Variants in B3GALT1 observed in about 807,000 individuals in gnomAD.
The protein encoded by B3GALT1 is beta-1,3-galactosyltransferase 1.
A neutral mutation model predicts 23.2 loss-of-function variants in B3GALT1; 10 were observed. The ratio of observed to expected loss-of-function variants is 0.43; its 90% CI spans 0.27 to 0.73. B3GALT1 has a LOEUF of 0.73. Ranked by LOEUF, B3GALT1 falls within the 30% of genes least tolerant of loss-of-function variation. The pLI, the probability that B3GALT1 is intolerant of heterozygous loss-of-function variation, is 0.21. For synonymous variants in B3GALT1, 156 were observed against 141.5 expected (o/e 1.10, Z -0.73); for missense variants, 299 against 405.4 (o/e 0.74, Z 2.25).
chr2:167,823,685 T>C (rs1248471390), intron 4 of B3GALT1, among the ~76,000 whole-genome samples: 1 of 152,256 alleles, frequency 6.6e-6, no homozygotes, highest in Non-Finnish European at 1.5e-5. Context: ...CTAACAGTGC[T>C]GATCCATGAA....
intron 1 of B3GALT1, among the ~76,000 whole-genome samples, chr2:167,359,449 T>G (rs1697465659): frequency 6.6e-6 from 1 of 152,224 alleles, no homozygotes; most frequent in African/African-American, 2.4e-5. Flanking sequence ...CAATTACAGT[T>G]TATAAATGTC....
chr2:167,297,168 G>C (rs907492149), intron 1 of B3GALT1, among the ~76,000 whole-genome samples: 5 of 151,948 alleles, frequency 3.3e-5, no homozygotes, highest in African/African-American at 1.2e-4. Context: ...ATTTTCAGAG[G>C]AACTAGAGGA....
At chr2:167,301,050 C>T (rs566970843) in intron 1 of B3GALT1, among the ~76,000 whole-genome samples, 5 of 152,214 alleles carry the variant, frequency 3.3e-5, no homozygotes, top group Admixed American at 6.5e-5. Flanking sequence ...TTATTCTGAG[C>T]GCATTGAATA....
At chr2:167,529,000 T>C (rs1382066050) in intron 2 of B3GALT1, among the ~76,000 whole-genome samples, 2 of 152,150 alleles carry the variant, frequency 1.3e-5, no homozygotes, top group African/African-American at 4.8e-5. Flanking sequence ...GTTTCAATAG[T>C]ATTTTCCTTC....
intron 3 of B3GALT1, among the ~76,000 whole-genome samples, chr2:167,665,706 C>A (rs558056076): frequency 6.6e-6 from 1 of 152,054 alleles, no homozygotes; most frequent in Non-Finnish European, 1.5e-5. Context: ...GTGTATGTGT[C>A]GAGGAATTTA....
At chr2:167,721,292 T>C (rs1241720659) in intron 3 of B3GALT1, among the ~76,000 whole-genome samples, 1 of 152,240 alleles carries the variant, frequency 6.6e-6, no homozygotes, top group African/African-American at 2.4e-5. Context: ...TTAGCAGGTT[T>C]ATATGCAGTT....
At position 167,475,716 on chromosome 2, in the gene B3GALT1, G is replaced by A. The variant is rs371852264; in HGVS notation, c.-510-14461G>A. 7.9e-5 allele frequency among the ~76,000 whole-genome samples: 12 copies of A among 152,082 alleles called. No individual in the cohort carries two copies. In the East Asian group the frequency reaches 2.1e-3, roughly 27 times the overall value. ...TGGAATGTATTCCCCACAGATAAGG[G>A]GGTACTACCATACCACATACTGGCG... On this transcript the variant is annotated intron_variant, in intron 1 of 4. Transcript: ENST00000392690.
chr2:167,490,079 A>G (rs533372036), intron 1 of B3GALT1, 98 bp from the exon 2 acceptor site: 1 of 152,350 alleles, frequency 6.6e-6, no homozygotes, highest in South Asian at 2.1e-4. Flanking sequence ...TGGAAATTTT[A>G]TGAACTGGTA....
intron 2 of B3GALT1, among the ~76,000 whole-genome samples, chr2:167,500,174 GA>G (rs1306515551): frequency 6.6e-6 from 1 of 152,110 alleles, no homozygotes; most frequent in East Asian, 1.9e-4. Flanking sequence ...GGACTCTCAG[GA>G]TAGAAGATGC....
chr2:167,446,311 T>C (rs1698990914), intron 1 of B3GALT1, among the ~76,000 whole-genome samples: 2 of 152,214 alleles, frequency 1.3e-5, no homozygotes, highest in African/African-American at 4.8e-5. Context: ...TTCCTTCACT[T>C]CAACTTTGGT....
At chr2:167,597,428 G>C (rs565488488) in intron 2 of B3GALT1, among the ~76,000 whole-genome samples, 1 of 152,246 alleles carries the variant, frequency 6.6e-6, no homozygotes, top group South Asian at 2.1e-4. Context: ...TGTCATGTTT[G>C]AATGGGCCAT....
intron 3 of B3GALT1, among the ~76,000 whole-genome samples, chr2:167,737,468 G>A (rs373999046): frequency 6.6e-6 from 1 of 152,192 alleles, no homozygotes; most frequent in East Asian, 1.9e-4. Context: ...ATTGTTTTCA[G>A]TTCTGGATCT....
intron 4 of B3GALT1, among the ~76,000 whole-genome samples, chr2:167,821,118 C>T (rs1309044797): frequency 1.3e-5 from 2 of 152,136 alleles, no homozygotes; most frequent in Non-Finnish European, 2.9e-5. Context: ...GTGTATAGGC[C>T]ATTCATAGCT....
chr2:167,563,906 C>CG (rs1684084934), intron 2 of B3GALT1, among the ~76,000 whole-genome samples: 1 of 68,450 alleles, frequency 1.5e-5, no homozygotes, highest in Non-Finnish European at 2.8e-5. Flanking sequence ...CGGGCGGGGC[C>CG]GATCCCCCCA....
intron 2 of B3GALT1, among the ~76,000 whole-genome samples, chr2:167,616,560 G>A (rs961733695): frequency 1.3e-5 from 2 of 151,936 alleles, no homozygotes; most frequent in African/African-American, 2.4e-5. Context: ...AAATTAGCTG[G>A]GTGTGGTGGT....
intron 2 of B3GALT1, among the ~76,000 whole-genome samples, chr2:167,565,583 G>A (rs1242735968): frequency 2.6e-5 from 4 of 152,056 alleles, no homozygotes; most frequent in Non-Finnish European, 4.4e-5. Flanking sequence ...CTACAAAATG[G>A]GAGACAATTT....
chr2:167,779,077 A>G (rs1688207422), intron 3 of B3GALT1, among the ~76,000 whole-genome samples: 1 of 152,264 alleles, frequency 6.6e-6, no homozygotes, highest in Non-Finnish European at 1.5e-5. Context: ...GACGCACTCT[A>G]CTGGAAAGCC....
At chr2:167,361,603 GA>G (rs1319279762) in intron 1 of B3GALT1, among the ~76,000 whole-genome samples, 2 of 152,048 alleles carry the variant, frequency 1.3e-5, no homozygotes, top group African/African-American at 4.8e-5. Flanking sequence ...AGGACAAATA[GA>G]AAAAAATTCT....
chr2:167,437,112 G>A (rs1437150017), intron 1 of B3GALT1, among the ~76,000 whole-genome samples: 1 of 152,138 alleles, frequency 6.6e-6, no homozygotes, highest in Non-Finnish European at 1.5e-5. Flanking sequence ...GGTGACAGCT[G>A]TGGATTTCTG....
Sources: allele counts gnomAD v4.1 joint callset (sites outside exome capture counted in the v4.1 genomes callset), GRCh38; gene constraint gnomAD v4.1.1; transcripts MANE v1.5; gene names NCBI Gene and HGNC (gene_info 2026-07-23, HGNC 2026-07-21).